CDH13: variants seen among roughly 807,000 people sequenced by gnomAD.
CDH13 encodes cadherin 13.
CDH13 carries 24 observed loss-of-function variants against 63.8 expected under a neutral mutation model. The observed-to-expected ratio is 0.38, with a 90% CI of 0.27 to 0.53. CDH13 has a LOEUF of 0.53. CDH13 is among the 20% of genes least tolerant of loss of function. The probability of loss-of-function intolerance (pLI) is 0.85; values close to 1 mark genes in which losing one functional copy is unlikely to be tolerated. For synonymous variants in CDH13, 503 were observed against 355.3 expected, an observed-to-expected ratio of 1.42 and a Z score of -4.67; for missense variants, 1,049 against 903.1, an observed-to-expected ratio of 1.16 and a Z score of -2.07.
chr16:83,020,074 C>T (rs916705587), intron 2 of CDH13, among the ~76,000 whole-genome samples: 3 of 152,110 alleles, frequency 2.0e-5, no homozygotes, highest in Non-Finnish European at 2.9e-5. Context: ...TTTTCAGCTC[C>T]GTTATCATCT....
intron 5 of CDH13, among the ~76,000 whole-genome samples, chr16:83,240,478 G>C (rs1392096368): frequency 6.7e-6 from 1 of 149,788 alleles, no homozygotes; most frequent in Non-Finnish European, 1.5e-5. Flanking sequence ...AGGTGAGAAA[G>C]AGGAGAACTT....
At chr16:82,804,751 C>G (rs1384018044) in intron 1 of CDH13, among the ~76,000 whole-genome samples, 1 of 152,128 alleles carries the variant, frequency 6.6e-6, no homozygotes, top group Non-Finnish European at 1.5e-5. Flanking sequence ...AAATAGGTAT[C>G]TCACAGAGAA....
chr16:83,626,491 T>C (rs1910318078), intron 8 of CDH13, among the ~76,000 whole-genome samples: 1 of 152,108 alleles, frequency 6.6e-6, no homozygotes, highest in Non-Finnish European at 1.5e-5. Context: ...TAAAGATGAG[T>C]AGGTCAGTGG....
chr16:83,213,677 T>A (rs1326078837), intron 4 of CDH13, among the ~76,000 whole-genome samples: 1 of 152,176 alleles, frequency 6.6e-6, no homozygotes, highest in Non-Finnish European at 1.5e-5. Context: ...AAGGACCTGC[T>A]CATCTCAGGT....
chr16:83,250,681 T>G (rs1435620728), intron 5 of CDH13, among the ~76,000 whole-genome samples: 1 of 152,124 alleles, frequency 6.6e-6, no homozygotes, highest in Non-Finnish European at 1.5e-5. Flanking sequence ...TAGGATTGTT[T>G]AGTGAATAAA....
intron 5 of CDH13, among the ~76,000 whole-genome samples, chr16:83,316,493 G>A (rs2090108202): frequency 6.6e-6 from 1 of 152,216 alleles, no homozygotes; most frequent in African/African-American, 2.4e-5. Context: ...GGTGGGGGAT[G>A]CTGGCTCCTA....
At chr16:83,032,644 A>G (rs552017659) in intron 3 of CDH13, among the ~76,000 whole-genome samples, 2 of 152,252 alleles carry the variant, frequency 1.3e-5, no homozygotes, top group Admixed American at 6.5e-5. Context: ...CTTCAAGACG[A>G]TGCTAGCAAA....
intron 2 of CDH13, among the ~76,000 whole-genome samples, chr16:82,881,314 G>A (rs1476686950): frequency 6.6e-6 from 1 of 152,086 alleles, no homozygotes; most frequent in African/African-American, 2.4e-5. Context: ...TGTGTAGGAA[G>A]TTTATTAGGG....
At chr16:83,330,592 A>G (rs912885295) in intron 5 of CDH13, among the ~76,000 whole-genome samples, 1 of 152,188 alleles carries the variant, frequency 6.6e-6, no homozygotes, top group African/African-American at 2.4e-5. Context: ...AGTAGGACCA[A>G]TGTAGCACAG....
At chr16:83,120,966 G>C (rs976972902) in intron 3 of CDH13, among the ~76,000 whole-genome samples, 1 of 151,986 alleles carries the variant, frequency 6.6e-6, no homozygotes, top group Non-Finnish European at 1.5e-5. Context: ...GTTTCACCTT[G>C]TTGGTCAGCC....
In CDH13 at chr16:83,602,723, C is replaced by T. The variant is rs567616594; in HGVS notation, c.1101+129C>T. ...TCAAAATACTCCTTTGTGGGAGAGACGATGGTGTTTTGCTGGAATTCTTTC... is the reference window on the plus strand; with the variant it reads ...TCAAAATACTCCTTTGTGGGAGAGATGATGGTGTTTTGCTGGAATTCTTTC... On this transcript the variant is annotated intron_variant, in intron 8 of 13. Transcript: ENST00000567109. The T allele has an allele frequency of 3.5e-5, 33 of 941,982 alleles. No individual in the cohort carries two copies. The Admixed American group carries it at 3.8e-4, about 11-fold the overall frequency. The allele number at this position is 941,982 out of a possible 1,614,324, so 58.4% of individuals were successfully genotyped here.
intron 3 of CDH13, among the ~76,000 whole-genome samples, chr16:83,106,925 G>A (rs1443734066): frequency 6.6e-6 from 1 of 151,924 alleles, no homozygotes; most frequent in Non-Finnish European, 1.5e-5. Flanking sequence ...ATAATCTGGT[G>A]TGGCAGTATG....
At chr16:83,743,331 C>A (rs992607650) in intron 10 of CDH13, among the ~76,000 whole-genome samples, 1 of 152,094 alleles carries the variant, frequency 6.6e-6, no homozygotes, top group South Asian at 2.1e-4. Context: ...AGACATTGTC[C>A]TGTAAAATCA....
At chr16:83,377,619 CA>C (rs1328487304) in intron 6 of CDH13, among the ~76,000 whole-genome samples, 2 of 152,128 alleles carry the variant, frequency 1.3e-5, no homozygotes, top group African/African-American at 2.4e-5. Flanking sequence ...AAAAATAAAG[CA>C]AAAGTCATTG....
chr16:83,616,903 G>A (rs114700997), intron 8 of CDH13, among the ~76,000 whole-genome samples: 1 of 152,146 alleles, frequency 6.6e-6, no homozygotes, highest in African/African-American at 2.4e-5. Context: ...CCAAGCTTTG[G>A]CATGTCTTTG....
Position 83,795,151 on chromosome 16 carries a change from T to C in CDH13, c.*121T>C. ...GAACTTCACAACTAGGCCTCAATTG[T>C]TCCGGTTTTTTATTTTCTTTACAAT... On this transcript the variant is annotated 3_prime_UTR_variant, in exon 14 of 14. Transcript: ENST00000567109. The C allele has an allele frequency of 1.4e-6, 1 of 716,026 alleles. No homozygotes were observed. The highest frequency in any genetic ancestry group is 1.8e-5 in the South Asian group (1 of 56,924). 44.4% of individuals were successfully genotyped at this position (716,026 alleles called of 1,614,324 possible). A position where few individuals can be genotyped will look rare whatever the true frequency, so the allele number is the denominator to read the frequency against.
At chr16:82,710,069 C>T (rs867352952) in intron 1 of CDH13, among the ~76,000 whole-genome samples, 2 of 150,366 alleles carry the variant, frequency 1.3e-5, no homozygotes, top group East Asian at 3.9e-4. Context: ...ACACTACACA[C>T]ACACATACAC....
At chr16:82,727,598 T>C (rs2151030611) in intron 1 of CDH13, 1 of 152,306 alleles carries the variant, frequency 6.6e-6, no homozygotes, top group East Asian at 1.9e-4. Context: ...ATTTAGAACA[T>C]GGTGTATTCT....
intron 6 of CDH13, among the ~76,000 whole-genome samples, chr16:83,450,417 C>A (rs2072854007): frequency 6.6e-6 from 1 of 152,108 alleles, no homozygotes; most frequent in South Asian, 2.1e-4. Flanking sequence ...TTGTGGGGGA[C>A]AATTTTCTAC....
Sources: allele counts gnomAD v4.1 joint callset (sites outside exome capture counted in the v4.1 genomes callset), GRCh38; gene constraint gnomAD v4.1.1; transcripts MANE v1.5; gene names NCBI Gene and HGNC (gene_info 2026-07-23, HGNC 2026-07-21).